The following MAD2L1 variants were observed in gnomAD, a reference collection of about 807,000 sequenced individuals.
MAD2L1 encodes the protein mitotic arrest deficient 2 like 1, also known as mitotic spindle assembly checkpoint protein MAD2A.
MAD2L1 carries 10 observed loss-of-function variants against 25.9 expected under a neutral mutation model. The ratio of observed to expected loss-of-function variants is 0.39; its 90% CI spans 0.24 to 0.66. The LOEUF is 0.66. MAD2L1 is among the 30% of genes least tolerant of loss of function. The probability of loss-of-function intolerance (pLI) is 0.49; values close to 1 mark genes in which losing one functional copy is unlikely to be tolerated. For synonymous variants in MAD2L1, 81 were observed against 91.8 expected, an observed-to-expected ratio of 0.88 and a Z score of 0.67; for missense variants, 180 against 246.4, an observed-to-expected ratio of 0.73 and a Z score of 1.80.
At position 120,066,800 on chromosome 4, in the gene MAD2L1, G is replaced by T; in HGVS notation, c.-66C>A. 2 of 1,163,002 alleles carry T rather than the reference G, an allele frequency of 1.7e-6. No individual in the cohort carries two copies. The highest frequency in any genetic ancestry group is 2.5e-6 in the Non-Finnish European group (2 of 788,600). 72.0% of individuals were successfully genotyped at this position (1,163,002 alleles called of 1,614,324 possible). On this transcript the variant is annotated 5_prime_UTR_variant, in exon 1 of 5. The change creates a new upstream start codon in the 5' untranslated region. Transcript: ENST00000296509. ...GACAGCAACCACAGCGGCTCCAACA[G>T]CACTTCCCCGCCAAGCGTTTCAAAA...
intron 2 of MAD2L1, among the ~76,000 whole-genome samples, chr4:120,062,731 GA>G (rs1726244978): frequency 6.6e-6 from 1 of 152,200 alleles, no homozygotes; most frequent in African/African-American, 2.4e-5. Context: ...CAAGACCAGG[GA>G]AGTCATTACT....
chr4:120,066,774 G>C lies in MAD2L1; in HGVS notation c.-40C>G. The C allele has an allele frequency of 2.0e-6, 3 of 1,489,974 alleles. No individual in the cohort carries two copies. The highest frequency in any genetic ancestry group is 1.9e-6 in the Non-Finnish European group (2 of 1,074,264). 92.3% of individuals were successfully genotyped at this position (1,489,974 alleles called of 1,614,324 possible). A position where few individuals can be genotyped will look rare whatever the true frequency, so the allele number is the denominator to read the frequency against. On this transcript the variant is annotated 5_prime_UTR_variant, in exon 1 of 5. Transcript: ENST00000296509. ...ACAAAAGCACGCGCTTCCACTCCGC[G>C]GACAGCAACCACAGCGGCTCCAACA... is the stretch of plus-strand genomic sequence containing the variant.
chr4:120,057,868 T>C lies in MAD2L1; in HGVS notation c.*2250A>G, dbSNP rs77642096. ...CTCCAAAATGTGTATTTCTTTTTTA[T>C]TTATTATTTTTTGAGATGGAGCCTT... On this transcript the variant is annotated 3_prime_UTR_variant, in exon 5 of 5. Coordinates refer to ENST00000296509, the MANE Select transcript of MAD2L1 (RefSeq NM_002358.4). The C allele has an allele frequency of 0.11, 16,262 of 152,210 alleles. 926 individuals carry two copies. Among genetic ancestry groups the C allele is most frequent in the African/African-American group, 0.12 (4,997 of 41,504 alleles). The allele number at this position is 152,210 out of a possible 1,614,324, so 9.4% of individuals were successfully genotyped here. A position where few individuals can be genotyped will look rare whatever the true frequency, so the allele number is the denominator to read the frequency against.
rs986730713 is a variant in MAD2L1, at chr4:120,056,674, T to C, written c.*3444A>G. On this transcript the variant is annotated 3_prime_UTR_variant, in exon 5 of 5. Transcript: ENST00000296509. ...ACATTTTTCAGCATGCATGTCTATA[T>C]AGTGAAAAAATGATTAAAAATAGGC... is the stretch of plus-strand genomic sequence containing the variant. The C allele has an allele frequency of 1.3e-5, 2 of 152,214 alleles. No individual in the cohort carries two copies. The highest frequency in any genetic ancestry group is 6.5e-5 in the Admixed American group (1 of 15,288). 9.4% of individuals were successfully genotyped at this position (152,214 alleles called of 1,614,324 possible). A position where few individuals can be genotyped will look rare whatever the true frequency, so the allele number is the denominator to read the frequency against.
chr4:120,062,192 C>A, intron 2 of MAD2L1, 97 bp from the exon 3 acceptor site: 1 of 1,101,432 alleles, frequency 9.1e-7, no homozygotes. Context: ...CAAATTCCTA[C>A]CACTGCTATC....
chr4:120,062,452 A>T (rs1726238519), intron 2 of MAD2L1, among the ~76,000 whole-genome samples: 2 of 152,182 alleles, frequency 1.3e-5, no homozygotes, highest in South Asian at 2.1e-4. Flanking sequence ...ATGAGAGCAT[A>T]AAAAAAGGAA....
intron 4 of MAD2L1, among the ~76,000 whole-genome samples, chr4:120,060,546 T>A (rs1193031779): frequency 6.6e-6 from 1 of 152,180 alleles, no homozygotes; most frequent in Non-Finnish European, 1.5e-5. Flanking sequence ...ACAAGAATAG[T>A]GATGCCAGCA....
At chr4:120,060,852 C>A (rs745731745) in intron 4 of MAD2L1, 22 bp downstream of exon 4, 20 of 1,481,180 alleles carry the variant, frequency 1.4e-5, no homozygotes, top group Non-Finnish European at 1.7e-5. Context: ...TTTAATTCAA[C>A]AAGAAGTTGT....
At chr4:120,064,102 A>T (rs1184195282) in intron 2 of MAD2L1, among the ~76,000 whole-genome samples, 1 of 152,234 alleles carries the variant, frequency 6.6e-6, no homozygotes, top group Non-Finnish European at 1.5e-5. Context: ...GTGAAATGTC[A>T]TTAACGCAGT....
intron 2 of MAD2L1, among the ~76,000 whole-genome samples, chr4:120,064,893 A>G (rs1158565345): frequency 1.3e-5 from 2 of 152,204 alleles, no homozygotes; most frequent in Non-Finnish European, 2.9e-5. Flanking sequence ...TAAAAAAAAA[A>G]GATGGCTGCT....
rs1726184065 is a variant in MAD2L1 at position 120,060,044 on chromosome 4, T to C, written c.*74A>G. The C allele has an allele frequency of 3.1e-6, 4 of 1,270,260 alleles. No homozygotes were observed. The highest frequency in any genetic ancestry group is 2.2e-6 in the Non-Finnish European group (2 of 911,426). The allele number at this position is 1,270,260 out of a possible 1,614,324, so 78.7% of individuals were successfully genotyped here. On this transcript the variant is annotated 3_prime_UTR_variant, in exon 5 of 5. Coordinates refer to ENST00000296509, the MANE Select transcript of MAD2L1 (RefSeq NM_002358.4). ...AAATTAACCAATGAAATAAAACATATCAACTATAGATGACTTGATTTCAGG... is the reference window on the plus strand; with the variant it reads ...AAATTAACCAATGAAATAAAACATACCAACTATAGATGACTTGATTTCAGG...
Position 120,065,141 on chromosome 4 carries a change from C to T in MAD2L1, c.220+531G>A, listed in dbSNP as rs908571485. 1.4e-4 allele frequency among the ~76,000 whole-genome samples: 21 copies of T among 152,258 alleles called. 1 individual carries two copies. Among genetic ancestry groups the T allele is most frequent in the Middle Eastern group, 3.4e-3 (1 of 294 alleles). On this transcript the variant is annotated intron_variant, in intron 2 of 4. Transcript: ENST00000296509. The stretch of plus-strand genomic sequence containing the variant: ...GAATCACTGGCAGAATTTTTGAAAA[C>T]GACAAATAGAAATACGTGAAAAACA...
chr4:120,065,508 G>C (rs1726299747), intron 2 of MAD2L1, 164 bp downstream of exon 2: 3 of 562,846 alleles, frequency 5.3e-6, no homozygotes, highest in Non-Finnish European at 3.1e-6. Flanking sequence ...CAATGTAGTG[G>C]GTGGGGGAAG....
At chr4:120,065,335 G>A (rs547409677) in intron 2 of MAD2L1, 49 of 178,074 alleles carry the variant, frequency 2.8e-4, no homozygotes, top group African/African-American at 1.2e-3. Flanking sequence ...TTGAGAATAT[G>A]TAGTGTATAT....
rs1171055746 is a variant in MAD2L1, at chr4:120,056,396, G to A, written c.*3722C>T. On this transcript the variant is annotated 3_prime_UTR_variant, in exon 5 of 5. Transcript: ENST00000296509. ...TTTTCCAATAAGCTTACAGCCTTTAGAACCAAAAGAAAGTCATCTTAATTT... is the reference window on the plus strand; with the variant it reads ...TTTTCCAATAAGCTTACAGCCTTTAAAACCAAAAGAAAGTCATCTTAATTT... 1 of 152,136 alleles carries A rather than the reference G, an allele frequency of 6.6e-6. No individual in the cohort carries two copies. The highest frequency in any genetic ancestry group is 2.4e-5 in the African/African-American group (1 of 41,430). The allele number at this position is 152,136 out of a possible 1,614,324, so 9.4% of individuals were successfully genotyped here.
At chr4:120,064,881 A>AT (rs1466473332) in intron 2 of MAD2L1, among the ~76,000 whole-genome samples, 1 of 152,184 alleles carries the variant, frequency 6.6e-6, no homozygotes, top group Non-Finnish European at 1.5e-5. Flanking sequence ...TAATTTCTAA[A>AT]TTAAAAAAAA....
intron 2 of MAD2L1, among the ~76,000 whole-genome samples, chr4:120,063,033 C>T (rs150372462): frequency 2.6e-5 from 4 of 152,172 alleles, no homozygotes; most frequent in East Asian, 1.9e-4. Context: ...TCTGGCTGGA[C>T]GGTTTAGTCA....
At chr4:120,066,365 C>T (rs1226714929) in intron 1 of MAD2L1, among the ~76,000 whole-genome samples, 4 of 152,014 alleles carry the variant, frequency 2.6e-5, no homozygotes, top group Non-Finnish European at 5.9e-5. Flanking sequence ...GAAAAACACA[C>T]ACATACGCAT....
chr4:120,059,971 A>G lies in MAD2L1; in HGVS notation c.*147T>C. 1.7e-6 allele frequency: 1 copy of G among 576,664 alleles called. No individual in the cohort carries two copies. Among genetic ancestry groups the G allele is most frequent in the East Asian group, 2.9e-5 (1 of 34,890 alleles). The allele number at this position is 576,664 out of a possible 1,614,324, so 35.7% of individuals were successfully genotyped here. A position where few individuals can be genotyped will look rare whatever the true frequency, so the allele number is the denominator to read the frequency against. ...AATAGGTACCAAAAAAATAAAAGGA[A>G]CAATTACACACAGTTCAGTAAGTAT... On this transcript the variant is annotated 3_prime_UTR_variant, in exon 5 of 5. Coordinates refer to ENST00000296509, the MANE Select transcript of MAD2L1 (RefSeq NM_002358.4).
Sources: allele counts gnomAD v4.1 joint callset (sites outside exome capture counted in the v4.1 genomes callset), GRCh38; gene constraint gnomAD v4.1.1; transcripts MANE v1.5; gene names NCBI Gene and HGNC (gene_info 2026-07-23, HGNC 2026-07-21).